Variants in ZNF385D observed in about 807,000 individuals in gnomAD.
ZNF385D encodes zinc finger protein 385D, also known as zinc finger protein 659.
ZNF385D carries 15 observed loss-of-function variants against 35.8 expected under a neutral mutation model. The ratio of observed to expected loss-of-function variants is 0.42; its 90% CI spans 0.28 to 0.64. The LOEUF (loss-of-function observed/expected upper bound fraction) is 0.64, where lower values mean the gene tolerates loss of function less well. Ranked by LOEUF, ZNF385D falls within the 30% of genes least tolerant of loss-of-function variation. ZNF385D has a pLI of 0.23. For synonymous variants in ZNF385D, 212 were observed against 186.8 expected, an observed-to-expected ratio of 1.13 and a Z score of -1.10; for missense variants, 474 against 494.6, an observed-to-expected ratio of 0.96 and a Z score of 0.39.
intron 3 of ZNF385D, among the ~76,000 whole-genome samples, chr3:21,882,145 G>A (rs754594386): frequency 1.3e-5 from 2 of 152,008 alleles, no homozygotes; most frequent in Admixed American, 6.6e-5. Context: ...AGGACTGACT[G>A]CAATTTTGAA....
At chr3:21,668,194 C>A (rs2066463107) in intron 1 of ZNF385D, among the ~76,000 whole-genome samples, 1 of 152,158 alleles carries the variant, frequency 6.6e-6, no homozygotes, top group South Asian at 2.1e-4. Context: ...AGCCTCTTTA[C>A]AAATTGCCCT....
intron 3 of ZNF385D, among the ~76,000 whole-genome samples, chr3:21,882,885 C>T (rs1293872174): frequency 2.0e-5 from 3 of 151,962 alleles, no homozygotes; most frequent in South Asian, 4.1e-4. Flanking sequence ...ATTGTACTTA[C>T]ATTCTTTAGA....
intron 3 of ZNF385D, among the ~76,000 whole-genome samples, chr3:22,111,309 C>G (rs527901372): frequency 6.6e-6 from 1 of 151,764 alleles, no homozygotes; most frequent in East Asian, 2.0e-4. Context: ...GCCCTGTGAA[C>G]TTGGTAAATG....
At chr3:21,796,416 T>C (rs568298521) in intron 3 of ZNF385D, among the ~76,000 whole-genome samples, 1 of 152,138 alleles carries the variant, frequency 6.6e-6, no homozygotes, top group Non-Finnish European at 1.5e-5. Flanking sequence ...AATCCAAAAA[T>C]GCGTAAAAAA....
intron 3 of ZNF385D, among the ~76,000 whole-genome samples, chr3:22,048,259 G>A (rs1699127739): frequency 6.6e-6 from 1 of 151,480 alleles, no homozygotes; most frequent in Admixed American, 6.6e-5. Context: ...AATCCCATTT[G>A]CTTTTGGAAA....
intron 3 of ZNF385D, among the ~76,000 whole-genome samples, chr3:21,857,132 C>T (rs13068657): frequency 0.072 from 10,949 of 152,078 alleles, 689 homozygotes; most frequent in African/African-American, 0.16. Flanking sequence ...CCAACTCTCC[C>T]GATCCTCTTG....
chr3:21,603,555 C>T (rs1285448220), intron 2 of ZNF385D, among the ~76,000 whole-genome samples: 1 of 152,126 alleles, frequency 6.6e-6, no homozygotes, highest in African/African-American at 2.4e-5. Flanking sequence ...TGAGCTAGTT[C>T]TCTATAAGGT....
intron 2 of ZNF385D, among the ~76,000 whole-genome samples, chr3:22,249,335 T>C (rs1354210407): frequency 1.3e-5 from 2 of 152,170 alleles, no homozygotes; most frequent in Admixed American, 1.3e-4. Flanking sequence ...GTCTTGATCA[T>C]AGTAGGCACT....
chr3:21,852,557 T>C (rs1298325476), intron 3 of ZNF385D, among the ~76,000 whole-genome samples: 36 of 151,926 alleles, frequency 2.4e-4, no homozygotes, highest in Admixed American at 2.3e-3. Flanking sequence ...AATTACTTTA[T>C]CAAAAGAATT....
chr3:21,875,608 T>C (rs1697923082), intron 3 of ZNF385D, among the ~76,000 whole-genome samples: 1 of 152,150 alleles, frequency 6.6e-6, no homozygotes, highest in African/African-American at 2.4e-5. Context: ...AAAATGGTCT[T>C]AGTGCTGCCA....
intron 3 of ZNF385D, among the ~76,000 whole-genome samples, chr3:21,802,885 G>A (rs551889940): frequency 6.6e-5 from 10 of 152,286 alleles, no homozygotes; most frequent in African/African-American, 9.6e-5. Context: ...AAGGTTTTGC[G>A]TGCAAGTGAT....
chr3:21,853,665 G>T (rs962686894), intron 3 of ZNF385D, among the ~76,000 whole-genome samples: 1 of 151,670 alleles, frequency 6.6e-6, no homozygotes, highest in African/African-American at 2.4e-5. Context: ...AATGAATTTT[G>T]AGCCTCGATT....
At chr3:22,312,633 C>G (rs1703630585) in intron 2 of ZNF385D, among the ~76,000 whole-genome samples, 1 of 152,080 alleles carries the variant, frequency 6.6e-6, no homozygotes, top group Non-Finnish European at 1.5e-5. Flanking sequence ...ATTTACGGAG[C>G]CAAAAACACA....
intron 3 of ZNF385D, among the ~76,000 whole-genome samples, chr3:21,847,061 T>C (rs1696053130): frequency 6.6e-6 from 1 of 152,058 alleles, no homozygotes; most frequent in African/African-American, 2.4e-5. Context: ...CTGAACTTTT[T>C]CAGTTGAAGT....
chr3:21,818,549 C>G (rs1020312169), intron 3 of ZNF385D, among the ~76,000 whole-genome samples: 1 of 151,962 alleles, frequency 6.6e-6, no homozygotes, highest in Non-Finnish European at 1.5e-5. Flanking sequence ...AGAGAGATAT[C>G]CCAAAATATT....
chr3:22,251,950 T>C (rs909565749), intron 2 of ZNF385D, among the ~76,000 whole-genome samples: 1 of 152,096 alleles, frequency 6.6e-6, no homozygotes, highest in Non-Finnish European at 1.5e-5. Flanking sequence ...ACTAAATGGA[T>C]AATGCTTGCA....
chr3:21,912,226 A>T (rs1435997615), intron 3 of ZNF385D, among the ~76,000 whole-genome samples: 1 of 151,802 alleles, frequency 6.6e-6, no homozygotes, highest in African/African-American at 2.4e-5. Flanking sequence ...CAGACCCTAA[A>T]CTCGTTAAAA....
At chr3:21,437,304 A>G in intron 4 of ZNF385D, 101 bp from the exon 5 acceptor site, 1 of 1,121,898 alleles carries the variant, frequency 8.9e-7, no homozygotes, top group Non-Finnish European at 1.3e-6. Flanking sequence ...TATAATGATA[A>G]GAGCAGCTAG....
intron 3 of ZNF385D, among the ~76,000 whole-genome samples, chr3:21,843,747 G>C (rs1695824092): frequency 6.6e-6 from 1 of 151,906 alleles, no homozygotes; most frequent in African/African-American, 2.4e-5. Flanking sequence ...CCAGCAGATG[G>C]TGAATTCTTA....
Sources: gnomAD v4.1 joint callset for allele counts (sites outside exome capture counted in the v4.1 genomes callset) on GRCh38, gnomAD v4.1.1 for gene constraint, MANE v1.5 for transcripts, NCBI Gene and HGNC (gene_info 2026-07-23, HGNC 2026-07-21) for gene names.